The following ZNF235 variants were observed in gnomAD, a reference collection of about 807,000 sequenced individuals.
ZNF235 encodes the protein zfp-93.
ZNF235 carries 25 observed loss-of-function variants against 29.4 expected under a neutral mutation model. The ratio of observed to expected loss-of-function variants is 0.85; its 90% CI spans 0.62 to 1.19. The LOEUF is 1.19. ZNF235 is among the 50% of genes most tolerant of loss of function. The pLI is 0.00. For missense variants in ZNF235, 788 were observed against 885.0 expected (o/e 0.89, Z 1.39); for synonymous variants, 300 against 295.3 (o/e 1.02, Z -0.16).
In ZNF235 at chr19:44,298,886, G is replaced by A; in HGVS notation, c.160C>T (p.Pro54Ser). 1.2e-6 allele frequency: 2 copies of A among 1,613,180 alleles called. No homozygotes were observed. Among genetic ancestry groups the A allele is most frequent in the South Asian group, 1.1e-5 (1 of 91,020 alleles). ...CTCTCCAACTGGGATATCATATCTG[G>A]TTTGAAGGACTGATGTCCTATAAAA... ...LVSVGHQSFK[P>S]DMISQLEREE... Residue 54 changes from proline (P) to serine (S), a missense_variant, in exon 4 of 5, where the codon CCA becomes TCA. Transcript: ENST00000291182.
chr19:44,302,937 TATAC>T (rs1975763138), intron 2 of ZNF235, among the ~76,000 whole-genome samples: 1 of 137,270 alleles, frequency 7.3e-6, no homozygotes, highest in Non-Finnish European at 1.5e-5. Flanking sequence ...TGTATTTATA[TATAC>T]ATATTTGTAT....
rs1408294086 is a variant in ZNF235 at position 44,287,009 on chromosome 19, C to G, written c.*209G>C. On this transcript the variant is annotated 3_prime_UTR_variant, in exon 5 of 5. Transcript: ENST00000291182. ...ATAAACACTGATCATATTTACAGAA[C>G]AAAGTTTTCTCGCATCTGTGAAATA... 1.9e-6 allele frequency: 1 copy of G among 533,394 alleles called. No individual in the cohort carries two copies. The highest frequency in any genetic ancestry group is 3.5e-5 in the Admixed American group (1 of 28,278). 33.0% of individuals were successfully genotyped at this position (533,394 alleles called of 1,614,324 possible). A position where few individuals can be genotyped will look rare whatever the true frequency, so the allele number is the denominator to read the frequency against.
chr19:44,295,087 G>C (rs1279917789), intron 4 of ZNF235, among the ~76,000 whole-genome samples: 1 of 152,036 alleles, frequency 6.6e-6, no homozygotes, highest in Non-Finnish European at 1.5e-5. Context: ...CCTAGCCAAA[G>C]TAATCAGGCA....
chr19:44,305,019 T>G lies in ZNF235; in HGVS notation c.-97A>C, dbSNP rs955060083. 1.2e-6 allele frequency: 1 copy of G among 823,722 alleles called. No individual in the cohort carries two copies. Among genetic ancestry groups the G allele is most frequent in the African/African-American group, 1.8e-5 (1 of 54,126 alleles). The allele number at this position is 823,722 out of a possible 1,614,324, so 51.0% of individuals were successfully genotyped here. On this transcript the variant is annotated 5_prime_UTR_variant, in exon 1 of 5. Coordinates refer to ENST00000291182, the MANE Select transcript of ZNF235 (RefSeq NM_004234.4). Reference sequence around the variant, plus strand: ...CGACCTCGCCTTCCTGGAGCGGAAGTGCCTCCGAGTGCCCACGGTTCGTGG... The same window carrying G: ...CGACCTCGCCTTCCTGGAGCGGAAGGGCCTCCGAGTGCCCACGGTTCGTGG...
chr19:44,289,370 T>G, intron 4 of ZNF235, 174 bp from the exon 5 acceptor site: 1 of 599,498 alleles, frequency 1.7e-6, no homozygotes, highest in Non-Finnish European at 2.8e-6. Flanking sequence ...GAACACCAAA[T>G]GTTTTAAAAA....
At chr19:44,304,708 T>C (rs943516043) in intron 1 of ZNF235, 6 of 985,366 alleles carry the variant, frequency 6.1e-6, no homozygotes, top group Non-Finnish European at 7.2e-6. Context: ...TGCCCAATAT[T>C]TTACTGCGAG....
chr19:44,290,970 T>G (rs987572131), intron 4 of ZNF235: 2 of 152,014 alleles, frequency 1.3e-5, no homozygotes, highest in African/African-American at 4.8e-5. Flanking sequence ...AACAATAAAT[T>G]ATATAAAAAA....
At chr19:44,304,402 T>A (rs2123111335) in intron 1 of ZNF235, among the ~76,000 whole-genome samples, 1 of 152,214 alleles carries the variant, frequency 6.6e-6, no homozygotes, top group Non-Finnish European at 1.5e-5. Context: ...AATTCCTGTC[T>A]CCTAAACAAG....
chr19:44,296,491 G>C (rs897489678), intron 4 of ZNF235, among the ~76,000 whole-genome samples: 1 of 152,138 alleles, frequency 6.6e-6, no homozygotes, highest in Non-Finnish European at 1.5e-5. Context: ...TGAATGGTGG[G>C]ATTACAAATG....
At chr19:44,302,991 A>ATATTTGT (rs1323579723) in intron 2 of ZNF235, among the ~76,000 whole-genome samples, 1 of 115,042 alleles carries the variant, frequency 8.7e-6, no homozygotes, top group African/African-American at 4.1e-5. Flanking sequence ...TTTATATATA[A>ATATTTGT]ATATATACAT....
chr19:44,304,078 G>A (rs8107046), intron 1 of ZNF235, among the ~76,000 whole-genome samples: 1 of 152,092 alleles, frequency 6.6e-6, no homozygotes, highest in Non-Finnish European at 1.5e-5. Flanking sequence ...TAGTTCCGTT[G>A]GTAATGATAG....
At position 44,289,179 on chromosome 19, in the gene ZNF235, C is replaced by A; in HGVS notation, c.256G>T (p.Glu86Ter). 6.2e-7 allele frequency: 1 copy of A among 1,612,142 alleles called. No individual in the cohort carries two copies. Among genetic ancestry groups the A allele is most frequent in the Non-Finnish European group, 8.5e-7 (1 of 1,179,144 alleles). The change falls in exon 5 of 5, where the codon GAG becomes TAG. Residue 86 changes from glutamate (E) to a stop codon, truncating the protein, a stop_gained. Transcript: ENST00000291182. LOFTEE classifies it low-confidence loss of function (END_TRUNC). ...GKHSGDRNQN[E>*]MATLHKAGLR... ...CCTGCTTTGTGAAGAGTTGCCATCT[C>A]ATTTTGATTCCTGTCTCCTGAAAGG...
intron 2 of ZNF235, among the ~76,000 whole-genome samples, chr19:44,300,453 TGCA>T (rs763131760): frequency 9.2e-5 from 14 of 152,226 alleles, no homozygotes; most frequent in Non-Finnish European, 1.9e-4. Flanking sequence ...TTCTAAATAA[TGCA>T]CATTTGATCA....
At chr19:44,292,672 T>G (rs1251967805) in intron 4 of ZNF235, among the ~76,000 whole-genome samples, 4 of 151,872 alleles carry the variant, frequency 2.6e-5, no homozygotes, top group Non-Finnish European at 4.4e-5. Context: ...GGAAACCTAG[T>G]TAAGGAAATA....
chr19:44,288,431 T>G lies in ZNF235; in HGVS notation c.1004A>C (p.Gln335Pro). The change falls in exon 5 of 5, where the codon CAA (glutamine) becomes CCA (proline). Residue 335 changes from glutamine to proline, a missense_variant. Gln to Pro is a moderately conservative substitution (Grantham distance 76). Transcript: ENST00000291182. ...CCCTGTGTGGACTCTCTGATGAGTT[T>G]GCAGATTTGAGCTCTGACTGAAACC... ...GKGFSQSSNL[Q>P]THQRVHTGEK... 1 of 1,614,230 alleles carries G rather than the reference T, an allele frequency of 6.2e-7. No individual in the cohort carries two copies. Among genetic ancestry groups the G allele is most frequent in the South Asian group, 1.1e-5 (1 of 91,086 alleles).
At position 44,288,451 on chromosome 19, in the gene ZNF235, G is replaced by T; in HGVS notation, c.984C>A (p.Phe328Leu). The change falls in exon 5 of 5, where the codon TTC becomes TTA. Residue 328 changes from phenylalanine (F) to leucine (L), a missense_variant. By Grantham distance (22) the Phe-to-Leu change is conservative (BLOSUM62 0). Transcript: ENST00000291182. ...GAGTTTGCAGATTTGAGCTCTGACT[G>T]AAACCTTTACCACATTCATGACACC... ...RYWCHECGKG[F>L]SQSSNLQTHQ... The T allele has an allele frequency of 6.2e-7, 1 of 1,614,082 alleles. No homozygotes were observed. Among genetic ancestry groups the T allele is most frequent in the East Asian group, 2.2e-5 (1 of 44,894 alleles).
chr19:44,303,095 A>T (rs1440057368), intron 2 of ZNF235, among the ~76,000 whole-genome samples: 1 of 73,932 alleles, frequency 1.4e-5, no homozygotes, highest in African/African-American at 5.2e-5. Flanking sequence ...CATATATACA[A>T]ATATACGTAT....
chr19:44,302,840 TTA>T (rs1181750257), intron 2 of ZNF235, among the ~76,000 whole-genome samples: 5 of 110,480 alleles, frequency 4.5e-5, no homozygotes, highest in African/African-American at 1.8e-4. Context: ...AACTATATAC[TTA>T]TATATGAGTA....
rs1975707408 is a variant in ZNF235 at position 44,299,709 on chromosome 19, C to T, written c.39G>A (p.Val13=). 2 of 1,613,972 alleles carry T rather than the reference C, an allele frequency of 1.2e-6. No individual in the cohort carries two copies. The highest frequency in any genetic ancestry group is 1.3e-5 in the African/African-American group (1 of 74,906). ...KFQEAVTFKD[V]AVAFTEEELG... ...GCTCCTCCTCAGTGAAGGCCACAGC[C>T]ACATCCTTGAATGTCACTGCCTCCT... is the stretch of plus-strand genomic sequence containing the variant. The change falls in exon 3 of 5, where the codon GTG becomes GTA. Residue 13 remains valine, a synonymous_variant. Coordinates refer to ENST00000291182, the MANE Select transcript of ZNF235 (RefSeq NM_004234.4).
Sources: allele counts gnomAD v4.1 joint callset (sites outside exome capture counted in the v4.1 genomes callset), GRCh38; gene constraint gnomAD v4.1.1; transcripts MANE v1.5; gene names NCBI Gene and HGNC (gene_info 2026-07-23, HGNC 2026-07-21).